Variants in HEMK2 observed in about 807,000 individuals in gnomAD.
The protein encoded by HEMK2 is methyltransferase HEMK2.
chr21:28,623,489 T>C, the HEMK2 span, among the ~76,000 whole-genome samples: 1 of 152,190 alleles, frequency 6.6e-6, no homozygotes, highest in Non-Finnish European at 1.5e-5. Flanking sequence ...ACTGGGTGTA[T>C]ACCCAAAGGA....
the HEMK2 span, among the ~76,000 whole-genome samples, chr21:28,813,285 A>G: frequency 6.6e-6 from 1 of 152,236 alleles, no homozygotes; most frequent in Non-Finnish European, 1.5e-5. Flanking sequence ...TGCAAAAATC[A>G]CAAGCATTCC....
At chr21:28,764,600 T>TGCACTCA in the HEMK2 span, among the ~76,000 whole-genome samples, 1 of 152,148 alleles carries the variant, frequency 6.6e-6, no homozygotes, top group Non-Finnish European at 1.5e-5. Flanking sequence ...GTCTATCAGT[T>TGCACTCA]GCACTCAGCA....
chr21:28,743,751 C>A, the HEMK2 span, among the ~76,000 whole-genome samples: 1 of 152,144 alleles, frequency 6.6e-6, no homozygotes, highest in Admixed American at 6.5e-5. Flanking sequence ...AGTTGGATGA[C>A]CCCAGGCATT....
At chr21:28,879,181 C>T in the HEMK2 span, among the ~76,000 whole-genome samples, 1 of 148,642 alleles carries the variant, frequency 6.7e-6, no homozygotes, top group Non-Finnish European at 1.5e-5. Flanking sequence ...ACCTTGTGGG[C>T]TCAGGTGATC....
the HEMK2 span, among the ~76,000 whole-genome samples, chr21:28,644,176 C>T: frequency 6.6e-6 from 1 of 152,170 alleles, no homozygotes; most frequent in South Asian, 2.1e-4. Flanking sequence ...AGGAAACTTA[C>T]AATCATGGTG....
the HEMK2 span, among the ~76,000 whole-genome samples, chr21:28,769,476 G>A: frequency 6.6e-6 from 1 of 151,930 alleles, no homozygotes; most frequent in South Asian, 2.1e-4. Context: ...ATATGCCCTG[G>A]GAGACCCATA....
At chr21:28,802,564 C>T in the HEMK2 span, among the ~76,000 whole-genome samples, 1 of 151,850 alleles carries the variant, frequency 6.6e-6, no homozygotes, top group African/African-American at 2.4e-5. Flanking sequence ...CCCGTCTCTA[C>T]TAAAAAAAAC....
chr21:28,614,850 T>C, the HEMK2 span, among the ~76,000 whole-genome samples: 10 of 119,822 alleles, frequency 8.3e-5, no homozygotes, highest in South Asian at 2.4e-3. Context: ...GTGGTTCTCT[T>C]TTTGAGTTTC....
chr21:28,695,215 A>G, the HEMK2 span, among the ~76,000 whole-genome samples: 1 of 152,194 alleles, frequency 6.6e-6, no homozygotes. Context: ...TAGTTCATTC[A>G]GACTGCTACA....
the HEMK2 span, among the ~76,000 whole-genome samples, chr21:28,692,332 T>A: frequency 6.6e-6 from 1 of 152,046 alleles, no homozygotes; most frequent in Non-Finnish European, 1.5e-5. Context: ...AAAGCAACTG[T>A]CCTCAAGAAA....
chr21:28,578,047 A>T, the HEMK2 span, among the ~76,000 whole-genome samples: 1 of 152,168 alleles, frequency 6.6e-6, no homozygotes. Context: ...TTAATTTAAG[A>T]TCAAGTCTAA....
At chr21:28,793,720 G>T in the HEMK2 span, among the ~76,000 whole-genome samples, 6 of 152,152 alleles carry the variant, frequency 3.9e-5, no homozygotes, top group African/African-American at 1.2e-4. Context: ...TAAGAATCTT[G>T]AAAACAGATC....
At chr21:28,876,326 C>G in the HEMK2 span, 2 of 1,186,304 alleles carry the variant, frequency 1.7e-6, no homozygotes, top group East Asian at 2.5e-5. Flanking sequence ...TGAATGACTT[C>G]AGTTTCAAAA....
the HEMK2 span, among the ~76,000 whole-genome samples, chr21:28,618,218 C>T: frequency 7.2e-5 from 11 of 152,244 alleles, no homozygotes; most frequent in South Asian, 6.2e-4. Context: ...CCTTGAAATG[C>T]GACTTAAGAA....
the HEMK2 span, among the ~76,000 whole-genome samples, chr21:28,625,951 T>C: frequency 6.6e-6 from 1 of 152,246 alleles, no homozygotes; most frequent in East Asian, 1.9e-4. Flanking sequence ...CTGAAAGAAT[T>C]TGTCAGCATC....
chr21:28,604,393 C>T, the HEMK2 span, among the ~76,000 whole-genome samples: 1 of 152,184 alleles, frequency 6.6e-6, no homozygotes, highest in East Asian at 1.9e-4. Flanking sequence ...CACATGTACC[C>T]TAGAACTTAA....
chr21:28,885,060 C>A, the HEMK2 span: 11 of 1,208,900 alleles, frequency 9.1e-6, no homozygotes, highest in Admixed American at 2.8e-4. Flanking sequence ...CAGGAAAATT[C>A]TCAATTACGG....
the HEMK2 span, among the ~76,000 whole-genome samples, chr21:28,776,105 T>A: frequency 6.6e-6 from 1 of 152,154 alleles, no homozygotes; most frequent in African/African-American, 2.4e-5. Flanking sequence ...ATTCAAGGAA[T>A]GGGGAGAAAA....
chr21:28,760,092 C>T, the HEMK2 span, among the ~76,000 whole-genome samples: 2 of 152,256 alleles, frequency 1.3e-5, no homozygotes, highest in South Asian at 4.1e-4. Context: ...TCTCACAATG[C>T]AGCAATTGTC....
Sources: gnomAD v4.1 joint callset for allele counts (sites outside exome capture counted in the v4.1 genomes callset) on GRCh38, gnomAD v4.1.1 for gene constraint, MANE v1.5 for transcripts, NCBI Gene and HGNC (gene_info 2026-07-23, HGNC 2026-07-21) for gene names.